Variants in DKK2 observed in about 807,000 individuals in gnomAD.
DKK2 encodes the protein dickkopf Wnt signaling pathway inhibitor 2.
In DKK2, 11 loss-of-function variants were observed where a neutral mutation model predicts 28.1. The observed-to-expected ratio is 0.39, with a 90% CI of 0.25 to 0.65. The LOEUF (loss-of-function observed/expected upper bound fraction) is 0.65. Ranked by LOEUF, DKK2 falls within the 30% of genes least tolerant of loss-of-function variation. The pLI is 0.47. For synonymous variants in DKK2, 135 were observed against 126.5 expected (o/e 1.07, Z -0.45); for missense variants, 326 against 335.5 (o/e 0.97, Z 0.22).
At chr4:107,026,943 G>A (rs4956280) in intron 1 of DKK2, among the ~76,000 whole-genome samples, 36,030 of 151,976 alleles carry the variant, frequency 0.24, 4,646 homozygotes, top group East Asian at 0.53. Context: ...GTGGAACAGA[G>A]AGAAAAGAGA....
chr4:106,963,375 T>A (rs1326806505), intron 1 of DKK2, among the ~76,000 whole-genome samples: 8 of 149,042 alleles, frequency 5.4e-5, no homozygotes, highest in Non-Finnish European at 8.9e-5. Flanking sequence ...AGGCAAAAAA[T>A]CTTAATACAC....
At chr4:107,010,828 C>T (rs1187141549) in intron 1 of DKK2, among the ~76,000 whole-genome samples, 1 of 150,674 alleles carries the variant, frequency 6.6e-6, no homozygotes, top group Admixed American at 6.6e-5. Flanking sequence ...CAATAGTTAC[C>T]ATATTAGAAA....
chr4:107,022,565 T>C (rs1408148301), intron 1 of DKK2, among the ~76,000 whole-genome samples: 2 of 152,028 alleles, frequency 1.3e-5, no homozygotes, highest in Non-Finnish European at 2.9e-5. Context: ...ATAAGATAAT[T>C]GATGACATTG....
intron 1 of DKK2, among the ~76,000 whole-genome samples, chr4:106,977,659 G>A (rs1456688353): frequency 2.0e-5 from 3 of 152,060 alleles, no homozygotes; most frequent in Non-Finnish European, 2.9e-5. Flanking sequence ...CAAGTTCTTA[G>A]CTTCCTTGCA....
chr4:106,963,746 A>G (rs1233367424), intron 1 of DKK2, among the ~76,000 whole-genome samples: 2 of 152,216 alleles, frequency 1.3e-5, no homozygotes, highest in Non-Finnish European at 2.9e-5. Flanking sequence ...TTATTACAGC[A>G]CTATTCATAA....
At chr4:107,010,847 A>T (rs1723506449) in intron 1 of DKK2, among the ~76,000 whole-genome samples, 1 of 151,192 alleles carries the variant, frequency 6.6e-6, no homozygotes, top group Non-Finnish European at 1.5e-5. Context: ...AAATAAAAAA[A>T]ATTATTAATT....
At chr4:107,026,615 G>C (rs1723784234) in intron 1 of DKK2, among the ~76,000 whole-genome samples, 1 of 152,132 alleles carries the variant, frequency 6.6e-6, no homozygotes, top group Admixed American at 6.5e-5. Context: ...CATTCTTTCG[G>C]CACCCGTGAG....
In DKK2 at chr4:107,026,478, A is replaced by G. The variant is rs375192151; in HGVS notation, c.222+8892T>C. Among the ~76,000 whole-genome samples the G allele has an allele frequency of 5.9e-5, 9 of 152,342 alleles. 1 individual carries two copies. The highest frequency in any genetic ancestry group is 5.9e-4 in the Admixed American group (9 of 15,304). On this transcript the variant is annotated intron_variant, in intron 1 of 3. Transcript: ENST00000285311. The stretch of plus-strand genomic sequence containing the variant: ...AAGTCATAGTTACTTGCACATTTTA[A>G]TCAGACATGAGTTTCTTTAACAAGT...
intron 1 of DKK2, among the ~76,000 whole-genome samples, chr4:106,947,652 T>C (rs1724797578): frequency 6.6e-6 from 1 of 151,872 alleles, no homozygotes; most frequent in African/African-American, 2.4e-5. Context: ...AAAAAATTGA[T>C]TAATTATCTT....
chr4:106,930,914 C>T (rs1442434773), intron 1 of DKK2, among the ~76,000 whole-genome samples: 1 of 152,164 alleles, frequency 6.6e-6, no homozygotes, highest in Non-Finnish European at 1.5e-5. Flanking sequence ...ATCGGACTGG[C>T]TTGCCCTGAG....
At position 107,011,712 on chromosome 4, in the gene DKK2, T is replaced by TGTGTGTGGGG. The variant is rs1040184955; in HGVS notation, c.222+23657_222+23658insCCCCACACAC. On this transcript the variant is annotated intron_variant, in intron 1 of 3. Coordinates refer to ENST00000285311, the MANE Select transcript of DKK2 (RefSeq NM_014421.3). ...CTGAGTGTGTGTGTGTGTGTGTGTGTGGGTGTGTATAATTTTATTTTGAGT... is the reference window on the plus strand; with the variant it reads ...CTGAGTGTGTGTGTGTGTGTGTGTGTGTGTGTGGGGGGGTGTGTATAATTTTATTTTGAGT... 1.8e-4 allele frequency among the ~76,000 whole-genome samples: 27 copies of TGTGTGTGGGG among 151,380 alleles called. 1 individual carries two copies. The highest frequency in any genetic ancestry group is 6.5e-4 in the African/African-American group (27 of 41,410).
intron 1 of DKK2, among the ~76,000 whole-genome samples, chr4:106,983,319 A>C (rs1723055238): frequency 1.4e-5 from 2 of 142,856 alleles, no homozygotes; most frequent in African/African-American, 5.1e-5. Context: ...GAAAGAAAGA[A>C]GAAAGAAAGG....
At chr4:106,976,674 G>C (rs148305622) in intron 1 of DKK2, among the ~76,000 whole-genome samples, 4,689 of 152,146 alleles carry the variant, frequency 0.031, 80 homozygotes, top group African/African-American at 0.044. Flanking sequence ...CACACCAATG[G>C]GTTTTGACTC....
intron 1 of DKK2, among the ~76,000 whole-genome samples, chr4:106,942,032 C>T (rs1377352525): frequency 6.6e-6 from 1 of 152,070 alleles, no homozygotes; most frequent in African/African-American, 2.4e-5. Flanking sequence ...AGATTTATGT[C>T]TAGTGAACAA....
intron 1 of DKK2, among the ~76,000 whole-genome samples, chr4:106,996,206 A>G (rs1370308145): frequency 6.6e-6 from 1 of 152,248 alleles, no homozygotes; most frequent in African/African-American, 2.4e-5. Flanking sequence ...TTGTTCAGAT[A>G]CAAAGCTGTC....
At position 106,924,119 on chromosome 4, in the gene DKK2, T is replaced by G; in HGVS notation, c.615A>C (p.Lys205Asn). The change falls in exon 4 of 4, where the codon AAA becomes AAC. Residue 205 changes from lysine (K) to asparagine (N), a missense_variant. Physicochemically the swap from Lys to Asn is moderately conservative, Grantham distance 94. Coordinates refer to ENST00000285311, the MANE Select transcript of DKK2 (RefSeq NM_014421.3). ...CARHFWTKIC[K>N]PVLHQGEVCT... is the part of the protein sequence containing the mutation. ...AGACTTCCCCCTGATGGAGCACTGG[T>G]TTGCAGATTTTGGTCCAGAAATGAC... 6.2e-7 allele frequency: 1 copy of G among 1,614,006 alleles called. No individual in the cohort carries two copies. The highest frequency in any genetic ancestry group is 8.5e-7 in the Non-Finnish European group (1 of 1,179,918).
At chr4:106,967,154 G>A (rs1394498807) in intron 1 of DKK2, among the ~76,000 whole-genome samples, 1 of 152,054 alleles carries the variant, frequency 6.6e-6, no homozygotes, top group Non-Finnish European at 1.5e-5. Flanking sequence ...ACCATGTCAG[G>A]CACTGGCTAC....
chr4:107,030,759 G>A (rs1723864710), intron 1 of DKK2, among the ~76,000 whole-genome samples: 2 of 152,030 alleles, frequency 1.3e-5, no homozygotes, highest in South Asian at 2.1e-4. Flanking sequence ...AAATGTAACC[G>A]ATTATTTTAA....
At chr4:107,027,602 G>T (rs1404397792) in intron 1 of DKK2, among the ~76,000 whole-genome samples, 1 of 152,110 alleles carries the variant, frequency 6.6e-6, no homozygotes, top group East Asian at 1.9e-4. Flanking sequence ...ACACTATGTA[G>T]AAAGTGTCAA....
Sources: gnomAD v4.1 joint callset for allele counts (sites outside exome capture counted in the v4.1 genomes callset) on GRCh38, gnomAD v4.1.1 for gene constraint, MANE v1.5 for transcripts, NCBI Gene and HGNC (gene_info 2026-07-23, HGNC 2026-07-21) for gene names.